Variants in CLVS1 observed in about 807,000 individuals in gnomAD.
The protein encoded by CLVS1 is clavesin-1.
In CLVS1, 10 loss-of-function variants were observed where a neutral mutation model predicts 33.1. The observed-to-expected ratio is 0.30, with a 90% CI of 0.19 to 0.51. CLVS1 has a LOEUF of 0.51. Ranked by LOEUF, CLVS1 falls within the 20% of genes least tolerant of loss-of-function variation. The pLI is 0.97. For missense variants in CLVS1, 343 were observed against 433.4 expected, an observed-to-expected ratio of 0.79 and a Z score of 1.85; for synonymous variants, 163 against 166.1, an observed-to-expected ratio of 0.98 and a Z score of 0.14.
intron 3 of CLVS1, among the ~76,000 whole-genome samples, chr8:61,443,713 CT>C (rs1816652828): frequency 6.6e-6 from 1 of 152,056 alleles, no homozygotes; most frequent in Non-Finnish European, 1.5e-5. Flanking sequence ...ATTATTTTAA[CT>C]ATTCCAGGGC....
At chr8:61,184,770 C>T (rs755797680) in intron 2 of CLVS1, among the ~76,000 whole-genome samples, 1 of 152,122 alleles carries the variant, frequency 6.6e-6, no homozygotes, top group East Asian at 1.9e-4. Context: ...AAAATATCCA[C>T]AAATGCAAGT....
the CLVS1 span, among the ~76,000 whole-genome samples, chr8:61,030,959 A>T: frequency 7.9e-5 from 12 of 152,334 alleles, no homozygotes; most frequent in African/African-American, 2.6e-4. Flanking sequence ...TAAAATGAAG[A>T]TAATAAAAAT....
chr8:61,363,244 C>T (rs1044287142), intron 2 of CLVS1, among the ~76,000 whole-genome samples: 4 of 152,128 alleles, frequency 2.6e-5, no homozygotes, highest in African/African-American at 9.7e-5. Context: ...AATCCTAAAT[C>T]CTAAAATGTA....
intron 2 of CLVS1, among the ~76,000 whole-genome samples, chr8:61,248,847 T>C (rs1808874575): frequency 6.6e-6 from 1 of 152,146 alleles, no homozygotes; most frequent in Non-Finnish European, 1.5e-5. Flanking sequence ...TATTAGGGCA[T>C]GTAATACATT....
At chr8:61,012,603 G>A in the CLVS1 span, among the ~76,000 whole-genome samples, 1 of 152,164 alleles carries the variant, frequency 6.6e-6, no homozygotes, top group African/African-American at 2.4e-5. Context: ...TGCATGACAT[G>A]TATATGGGTG....
At chr8:61,042,074 C>T in the CLVS1 span, among the ~76,000 whole-genome samples, 1 of 152,152 alleles carries the variant, frequency 6.6e-6, no homozygotes, top group Non-Finnish European at 1.5e-5. Context: ...GCTTGAATCC[C>T]TTTCTTGCTG....
chr8:61,215,964 G>C (rs1304179258), intron 2 of CLVS1, among the ~76,000 whole-genome samples: 2 of 152,082 alleles, frequency 1.3e-5, no homozygotes, highest in Non-Finnish European at 2.9e-5. Context: ...CAACTGAGCA[G>C]TGGAAACCCA....
chr8:61,376,456 A>G (rs1234535323), intron 2 of CLVS1, 149 bp from the exon 3 acceptor site: 1 of 637,640 alleles, frequency 1.6e-6, no homozygotes, highest in African/African-American at 1.8e-5. Flanking sequence ...TAGCAAATGT[A>G]TTTTCAGTCC....
intron 1 of CLVS1, among the ~76,000 whole-genome samples, chr8:61,298,748 T>C (rs188038521): frequency 1.3e-5 from 2 of 152,302 alleles, no homozygotes; most frequent in African/African-American, 2.4e-5. Flanking sequence ...GTTTAAGCAT[T>C]TACATTTAAA....
chr8:60,994,755 G>A, the CLVS1 span, among the ~76,000 whole-genome samples: 215 of 152,358 alleles, frequency 1.4e-3, no homozygotes, highest in Non-Finnish European at 2.0e-3. Flanking sequence ...TGAGAAGAAA[G>A]GCATTGGTAG....
At chr8:61,355,389 T>A (rs1045152225) in intron 2 of CLVS1, among the ~76,000 whole-genome samples, 9 of 152,010 alleles carry the variant, frequency 5.9e-5, no homozygotes, top group Admixed American at 1.3e-4. Context: ...GCGTGGTGGT[T>A]TGTTTTTTAC....
intron 1 of CLVS1, among the ~76,000 whole-genome samples, chr8:61,083,968 C>T (rs1302151533): frequency 2.0e-5 from 3 of 152,088 alleles, no homozygotes; most frequent in African/African-American, 7.2e-5. Flanking sequence ...CTTACAAGTT[C>T]CCAGCTGGGA....
intron 2 of CLVS1, among the ~76,000 whole-genome samples, chr8:61,234,887 G>T (rs1808523285): frequency 6.6e-6 from 1 of 152,166 alleles, no homozygotes; most frequent in South Asian, 2.1e-4. Context: ...AGAATGGACA[G>T]AATGGCTGCT....
At chr8:61,254,728 G>T (rs1425912046) in intron 2 of CLVS1, among the ~76,000 whole-genome samples, 1 of 152,164 alleles carries the variant, frequency 6.6e-6, no homozygotes, top group African/African-American at 2.4e-5. Context: ...CCAGGCACGG[G>T]ATATAATCTC....
At position 61,124,947 on chromosome 8, in the gene CLVS1, A is replaced by G. The variant is rs115518906; in HGVS notation, c.-242-6823A>G. 9.6e-3 allele frequency among the ~76,000 whole-genome samples: 1,455 copies of G among 152,236 alleles called. 18 individuals carry two copies. Among genetic ancestry groups the G allele is most frequent in the African/African-American group, 0.033 (1,381 of 41,534 alleles). ...AACATCAGCACAGGTGAGAGAGGAG[A>G]GTGAGACATGTTGTAAAAGCACTTG... On this transcript the variant is annotated intron_variant, in intron 1 of 2. Transcript: ENST00000522621.
chr8:61,234,982 C>G (rs894428796), intron 2 of CLVS1, among the ~76,000 whole-genome samples: 1 of 152,136 alleles, frequency 6.6e-6, no homozygotes, highest in African/African-American at 2.4e-5. Context: ...TTGGAATGAT[C>G]ATTGTCATCC....
At chr8:61,280,395 T>A (rs1809646194) in intron 2 of CLVS1, among the ~76,000 whole-genome samples, 1 of 152,180 alleles carries the variant, frequency 6.6e-6, no homozygotes, top group African/African-American at 2.4e-5. Context: ...ATGACAACTT[T>A]TAGTGCTCCA....
At chr8:61,167,657 A>G (rs1806903705) in intron 2 of CLVS1, among the ~76,000 whole-genome samples, 2 of 152,234 alleles carry the variant, frequency 1.3e-5, no homozygotes, top group South Asian at 4.1e-4. Context: ...CTGGGCTGCA[A>G]TCCCAGATGG....
chr8:61,033,219 A>AAAC, the CLVS1 span, among the ~76,000 whole-genome samples: 5 of 152,122 alleles, frequency 3.3e-5, no homozygotes, highest in Non-Finnish European at 7.4e-5. Context: ...TCTCAAAACA[A>AAAC]AACAACAACA....
Sources: allele counts gnomAD v4.1 joint callset (sites outside exome capture counted in the v4.1 genomes callset), GRCh38; gene constraint gnomAD v4.1.1; transcripts MANE v1.5; gene names NCBI Gene and HGNC (gene_info 2026-07-23, HGNC 2026-07-21).